Variants in PEBP1 observed in about 807,000 individuals in gnomAD.
PEBP1 encodes phosphatidylethanolamine binding protein 1.
Under a neutral mutation model 22.7 loss-of-function variants are expected in PEBP1, and 17 were observed. That is an observed-to-expected ratio of 0.75 (90% confidence interval 0.51 to 1.12). PEBP1 has a LOEUF of 1.12. Ranked by LOEUF, PEBP1 falls within the 50% of genes most tolerant of loss-of-function variation. PEBP1 has a pLI of 0.00. For synonymous variants in PEBP1, 106 were observed against 104.3 expected, an observed-to-expected ratio of 1.02 and a Z score of -0.10; for missense variants, 205 against 243.5, an observed-to-expected ratio of 0.84 and a Z score of 1.05.
intron 1 of PEBP1, 54 bp from the exon 2 acceptor site, chr12:118,137,985 C>A: frequency 1.6e-6 from 2 of 1,225,704 alleles, no homozygotes; most frequent in Non-Finnish European, 2.4e-6. Context: ...CCACACCCAG[C>A]CAGTTTCTTC....
Position 118,136,945 on chromosome 12 carries a change from T to G in PEBP1, c.135+601T>G, listed in dbSNP as rs1674542769. ...GCTGCCGAAAGTGAAGAAACTAGAT[T>G]TGCAGACGCCACTGCTAGTTGGTTA... On this transcript the variant is annotated intron_variant, in intron 1 of 3. Coordinates refer to ENST00000261313, the MANE Select transcript of PEBP1 (RefSeq NM_002567.4). This position sits in a 1 kb window ranked among gnomAD's most constrained non-coding sequence, Gnocchi z 5.6. Among the ~76,000 whole-genome samples, 1 of 152,172 alleles carries G rather than the reference T, an allele frequency of 6.6e-6. No individual in the cohort carries two copies. Among genetic ancestry groups the G allele is most frequent in the Non-Finnish European group, 1.5e-5 (1 of 68,032 alleles).
At chr12:118,138,721 G>C (rs554632630) in intron 2 of PEBP1, among the ~76,000 whole-genome samples, 2 of 152,008 alleles carry the variant, frequency 1.3e-5, no homozygotes, top group African/African-American at 2.4e-5. Context: ...TAAATGATTG[G>C]TGAAAAATTG....
At chr12:118,139,037 G>T (rs1382052032) in intron 2 of PEBP1, 2 of 201,282 alleles carry the variant, frequency 9.9e-6, no homozygotes, top group East Asian at 1.7e-4. Flanking sequence ...GGACTGGGCC[G>T]GGCGCGGTGG....
In PEBP1 at chr12:118,144,821, C is replaced by T; in HGVS notation, c.*18C>T. The T allele has an allele frequency of 6.2e-7, 1 of 1,613,530 alleles. No individual in the cohort carries two copies. On this transcript the variant is annotated 3_prime_UTR_variant, in exon 4 of 4. Coordinates refer to ENST00000261313, the MANE Select transcript of PEBP1 (RefSeq NM_002567.4). The stretch of plus-strand genomic sequence containing the variant: ...GGAAGTAGGGGGTTAGCTTGGGGAC[C>T]TGAACTGTCCTGGAGGCCCCAAGCC...
Position 118,138,068 on chromosome 12 carries a change from G to C in PEBP1, c.165G>C (p.Trp55Cys), listed in dbSNP as rs1343977264. Residue 55 changes from tryptophan to cysteine, a missense_variant, in exon 2 of 4, where the codon TGG (tryptophan) becomes TGC (cysteine). Physicochemically the swap from Trp to Cys is radical, Grantham distance 215. Transcript: ENST00000261313. ...AGAATAGACCCACCAGCATTTCGTGGGATGGTCTTGATTCAGGGAAGCTCT... is the reference window on the plus strand; with the variant it reads ...AGAATAGACCCACCAGCATTTCGTGCGATGGTCTTGATTCAGGGAAGCTCT... ...QVKNRPTSIS[W>C]DGLDSGKLYT... The C allele has an allele frequency of 6.2e-7, 1 of 1,613,552 alleles. No homozygotes were observed.
chr12:118,138,346 G>T (rs2034085279), intron 2 of PEBP1, among the ~76,000 whole-genome samples, 198 bp downstream of exon 2: 1 of 152,056 alleles, frequency 6.6e-6, no homozygotes, highest in African/African-American at 2.4e-5. Flanking sequence ...TCCACCTGTG[G>T]CCTGTTTTTA....
rs1303004623 is a variant in PEBP1, at chr12:118,136,174, C to T, written c.-36C>T. ...TCTGTCGCCCGCGCCTGGCCTACCG[C>T]GGCACTCCCGGCTGCACGCTCTGCT... On this transcript the variant is annotated 5_prime_UTR_variant, in exon 1 of 4. Coordinates refer to ENST00000261313, the MANE Select transcript of PEBP1 (RefSeq NM_002567.4). The surrounding 1 kb of genome is among the most constrained non-coding windows in gnomAD (Gnocchi z 5.6). 1 of 1,539,210 alleles carries T rather than the reference C, an allele frequency of 6.5e-7. No individual in the cohort carries two copies. Among genetic ancestry groups the T allele is most frequent in the South Asian group, 1.2e-5 (1 of 83,836 alleles).
In PEBP1 at chr12:118,140,056, G is replaced by GCA. The variant is rs3074167; in HGVS notation, c.346+522_346+523dup. ...ACTTCAGTAGAACTATATTGAAGGC[G>GCA]CACACACACACACACACATTGTATT... On this transcript the variant is annotated intron_variant, in intron 3 of 3. Transcript: ENST00000261313. Among the ~76,000 whole-genome samples, 941 of 151,248 alleles carry GCA rather than the reference G, an allele frequency of 6.2e-3. 6 individuals carry two copies. The highest frequency in any genetic ancestry group is 0.015 in the Admixed American group (229 of 15,152).
chr12:118,139,517 C>T lies in PEBP1; in HGVS notation c.312C>T (p.Ser104=), dbSNP rs554210845. Residue 104 remains serine, a synonymous_variant, in exon 3 of 4, where the codon TCC becomes TCT. Coordinates refer to ENST00000261313, the MANE Select transcript of PEBP1 (RefSeq NM_002567.4). The part of the protein sequence containing the change: ...GNDISSGTVL[S]DYVGSGPPKG... ...ACATCAGCAGTGGCACAGTCCTCTC[C>T]GATTATGTGGGCTCGGGGCCTCCCA... 13 of 1,613,210 alleles carry T rather than the reference C, an allele frequency of 8.1e-6. No homozygotes were observed. In the East Asian group the frequency reaches 8.9e-5, roughly 11 times the overall value.
At chr12:118,140,983 C>T (rs757887178) in intron 3 of PEBP1, among the ~76,000 whole-genome samples, 1 of 151,992 alleles carries the variant, frequency 6.6e-6, no homozygotes, top group Non-Finnish European at 1.5e-5. Context: ...ATGCATACAC[C>T]CATGGAAGGT....
rs1366005017 is a variant in PEBP1 at position 118,136,245 on chromosome 12, G to A, written c.36G>A (p.Leu12=). ...PVDLSKWSGP[L]SLQEVDEQPQ... is the part of the protein sequence containing the mutation. ...ACCTCAGCAAGTGGTCCGGGCCCTT[G>A]AGCCTGCAAGAAGTGGACGAGCAGC... Residue 12 remains leucine (L), a synonymous_variant, in exon 1 of 4, where the codon TTG becomes TTA. Transcript: ENST00000261313. This position sits in a 1 kb window ranked among gnomAD's most constrained non-coding sequence, Gnocchi z 5.6. 1.9e-6 allele frequency: 3 copies of A among 1,547,174 alleles called. No individual in the cohort carries two copies. The highest frequency in any genetic ancestry group is 2.6e-6 in the Non-Finnish European group (3 of 1,146,614).
In PEBP1 at chr12:118,136,359, G is replaced by A. The variant is rs1426077464; in HGVS notation, c.135+15G>A. The A allele has an allele frequency of 1.3e-6, 2 of 1,536,108 alleles. No individual in the cohort carries two copies. The highest frequency in any genetic ancestry group is 1.7e-6 in the Non-Finnish European group (2 of 1,144,646). On this transcript the variant is annotated intron_variant, in intron 1 of 3. Coordinates refer to ENST00000261313, the MANE Select transcript of PEBP1 (RefSeq NM_002567.4). The surrounding 1 kb of genome is among the most constrained non-coding windows in gnomAD (Gnocchi z 5.6). ...CGCCCACCCAGGTACACCGGGCGGC[G>A]GGCGTGCAGCGAGCGGCACGGCGCG...
chr12:118,138,292 G>GC lies in PEBP1; in HGVS notation c.245+150dup, dbSNP rs2034084436. On this transcript the variant is annotated intron_variant, in intron 2 of 3. Coordinates refer to ENST00000261313, the MANE Select transcript of PEBP1 (RefSeq NM_002567.4). ...CAGAGAGTGCCTTTCCTGCCCTTTTGCCCCCCTACAGCAGGTGTCTGTAAC... is the reference window on the plus strand; with the variant it reads ...CAGAGAGTGCCTTTCCTGCCCTTTTGCCCCCCCTACAGCAGGTGTCTGTAAC... 1.1e-5 allele frequency: 7 copies of GC among 643,436 alleles called. No homozygotes were observed. The Admixed American group carries it at 1.1e-4, about 10-fold the overall frequency. The allele number at this position is 643,436 out of a possible 1,614,324, so 39.9% of individuals were successfully genotyped here.
intron 3 of PEBP1, among the ~76,000 whole-genome samples, chr12:118,141,322 G>A (rs376415071): frequency 4.2e-4 from 64 of 152,016 alleles, no homozygotes; most frequent in African/African-American, 1.1e-3. Context: ...TCACCATGTT[G>A]GCCAGGCTGG....
intron 1 of PEBP1, among the ~76,000 whole-genome samples, chr12:118,137,564 A>G (rs1293591400): frequency 6.6e-6 from 1 of 152,188 alleles, no homozygotes; most frequent in Non-Finnish European, 1.5e-5. Flanking sequence ...CAAATAAAAT[A>G]CATAACGTAT....
At chr12:118,143,818 T>C (rs2138088928) in intron 3 of PEBP1, among the ~76,000 whole-genome samples, 1 of 151,834 alleles carries the variant, frequency 6.6e-6, no homozygotes, top group South Asian at 2.1e-4. Flanking sequence ...GGCAGGAGAA[T>C]TGCTTGAACC....
At position 118,136,301 on chromosome 12, in the gene PEBP1, G is replaced by A. The variant is rs748715777; in HGVS notation, c.92G>A (p.Gly31Glu). ...PQHPLHVTYA[G>E]AAVDELGKVL... is the part of the protein sequence containing the mutation. ...CACCCGCTGCATGTCACCTACGCCGGGGCGGCGGTGGACGAGCTGGGCAAA... is the reference window on the plus strand; with the variant it reads ...CACCCGCTGCATGTCACCTACGCCGAGGCGGCGGTGGACGAGCTGGGCAAA... The change falls in exon 1 of 4, where the codon GGG becomes GAG. Residue 31 changes from glycine (G) to glutamate (E), a missense_variant. Gly to Glu is a moderately conservative substitution (Grantham distance 98, BLOSUM62 -2). Coordinates refer to ENST00000261313, the MANE Select transcript of PEBP1 (RefSeq NM_002567.4). This position sits in a 1 kb window ranked among gnomAD's most constrained non-coding sequence, Gnocchi z 5.6. 2.1e-5 allele frequency: 32 copies of A among 1,545,948 alleles called. No homozygotes were observed. Among genetic ancestry groups the A allele is most frequent in the Non-Finnish European group, 2.5e-5 (29 of 1,146,586 alleles).
chr12:118,137,336 T>G (rs536846756), intron 1 of PEBP1, among the ~76,000 whole-genome samples: 7 of 152,164 alleles, frequency 4.6e-5, no homozygotes, highest in East Asian at 1.9e-4. Flanking sequence ...CCCCATGGTG[T>G]TGTTGGGACT....
intron 3 of PEBP1, among the ~76,000 whole-genome samples, chr12:118,143,349 C>T (rs1247528056): frequency 6.6e-6 from 1 of 152,142 alleles, no homozygotes; most frequent in African/African-American, 2.4e-5. Flanking sequence ...TGGCTAATTT[C>T]ACTAATGTAA....
Sources: allele counts gnomAD v4.1 joint callset (sites outside exome capture counted in the v4.1 genomes callset), GRCh38; gene constraint gnomAD v4.1.1; non-coding constraint Gnocchi (gnomAD v3.1); transcripts MANE v1.5; gene names NCBI Gene and HGNC (gene_info 2026-07-23, HGNC 2026-07-21).